AGBL1: variants seen among roughly 807,000 people sequenced by gnomAD.
The protein encoded by AGBL1 is AGBL carboxypeptidase 1.
Under a neutral mutation model 118.9 loss-of-function variants are expected in AGBL1, and 130 were observed. The observed-to-expected ratio is 1.09, with a 90% CI of 0.95 to 1.26. The LOEUF is 1.26. Ranked by LOEUF, AGBL1 falls within the 50% of genes most tolerant of loss-of-function variation. The pLI is 0.00. For synonymous variants in AGBL1, 555 were observed against 478.9 expected (o/e 1.16, Z -2.08); for missense variants, 1,584 against 1,298.1 (o/e 1.22, Z -3.38).
chr15:86,412,373 T>C lies in AGBL1; in HGVS notation c.2555+14827T>C, dbSNP rs114277548. On this transcript the variant is annotated intron_variant, in intron 18 of 22. Coordinates refer to ENST00000614907, the MANE Select transcript of AGBL1 (RefSeq NM_001386094.1). The stretch of plus-strand genomic sequence containing the variant: ...GTGTGGAATGTTTATTTTTCTTCAT[T>C]AATCATGACTATTATCCTATTTCTG... Among the ~76,000 whole-genome samples, 482 of 152,350 alleles carry C rather than the reference T, an allele frequency of 3.2e-3. 1 individual carries two copies. The highest frequency in any genetic ancestry group is 0.011 in the African/African-American group (455 of 41,588).
At chr15:86,142,196 A>T in intron 2 of AGBL1, 129 bp downstream of exon 2, 1 of 864,514 alleles carries the variant, frequency 1.2e-6, no homozygotes. Flanking sequence ...CAGCATCACT[A>T]GCCCATCTTT....
chr15:86,107,931 A>C (rs891821167), intron 1 of AGBL1, among the ~76,000 whole-genome samples: 3 of 152,182 alleles, frequency 2.0e-5, no homozygotes, highest in Admixed American at 2.0e-4. Flanking sequence ...TTATAGGAAG[A>C]TCAGCTCTCT....
chr15:86,247,556 G>T, intron 6 of AGBL1, 115 bp from the exon 7 acceptor site: 1 of 1,133,126 alleles, frequency 8.8e-7, no homozygotes, highest in Non-Finnish European at 1.3e-6. Context: ...ATACTAAAAT[G>T]TTATTATTCC....
Position 86,852,686 on chromosome 15 carries a change from A to G in AGBL1, c.3159-54401A>G, listed in dbSNP as rs867359005. Among the ~76,000 whole-genome samples the G allele has an allele frequency of 3.9e-5, 6 of 152,138 alleles. No homozygotes were observed. In the South Asian group the frequency reaches 1.2e-3, roughly 32 times the overall value. ...GAGCAGGCCTATGGCTGGTTACCCC[A>G]GGTCAACATGTAATGGAGGGCTCAA... On this transcript the variant is annotated intron_variant, in intron 22 of 22. Transcript: ENST00000614907.
chr15:86,095,577 G>T (rs992901649), intron 1 of AGBL1, among the ~76,000 whole-genome samples: 4 of 150,998 alleles, frequency 2.6e-5, no homozygotes, highest in African/African-American at 9.8e-5. Context: ...ATTTTTCCGT[G>T]CCAGGAACTG....
chr15:86,355,462 G>T (rs1178493440), intron 17 of AGBL1, among the ~76,000 whole-genome samples: 2 of 152,150 alleles, frequency 1.3e-5, no homozygotes, highest in African/African-American at 4.8e-5. Context: ...TTAAAAAAGA[G>T]ATTCCATGTG....
rs865882083 is a variant in AGBL1 at position 86,289,841 on chromosome 15, T to C, written c.2221-5414T>C. On this transcript the variant is annotated intron_variant, in intron 16 of 22. Transcript: ENST00000614907. ...AATTTCCTAATCACATCTTCAAAGT[T>C]CCTTTACTGTGTAAAATAACATCTT... Among the ~76,000 whole-genome samples, 95 of 152,218 alleles carry C rather than the reference T, an allele frequency of 6.2e-4. 1 individual carries two copies. Among genetic ancestry groups the C allele is most frequent in the Non-Finnish European group, 5.7e-4 (39 of 68,042 alleles).
At chr15:86,189,628 C>G (rs1042717691) in intron 5 of AGBL1, among the ~76,000 whole-genome samples, 1 of 152,148 alleles carries the variant, frequency 6.6e-6, no homozygotes, top group Non-Finnish European at 1.5e-5. Flanking sequence ...CTCTCTCTTT[C>G]TCTTGCTGCT....
chr15:86,485,858 A>C (rs1412222169), intron 18 of AGBL1, among the ~76,000 whole-genome samples: 1 of 152,110 alleles, frequency 6.6e-6, no homozygotes, highest in Admixed American at 6.6e-5. Context: ...CCTGGTCCAA[A>C]GGTTTAAACT....
chr15:87,007,006 G>A (rs2081512115), intron 24 of AGBL1, among the ~76,000 whole-genome samples: 1 of 152,122 alleles, frequency 6.6e-6, no homozygotes, highest in South Asian at 2.1e-4. Context: ...GAAAAACTAA[G>A]TCATGCTCTA....
chr15:86,838,407 T>C (rs898041376), intron 22 of AGBL1, among the ~76,000 whole-genome samples: 1 of 152,146 alleles, frequency 6.6e-6, no homozygotes, highest in African/African-American at 2.4e-5. Flanking sequence ...GTGGAAAGGC[T>C]GGACATTAGA....
At chr15:86,788,868 A>G (rs1459617596) in intron 22 of AGBL1, among the ~76,000 whole-genome samples, 4 of 152,216 alleles carry the variant, frequency 2.6e-5, no homozygotes, top group Non-Finnish European at 5.9e-5. Flanking sequence ...AGACCAAAAA[A>G]AAGCAAGTGC....
chr15:86,308,188 G>A (rs972813579), intron 17 of AGBL1, among the ~76,000 whole-genome samples: 6 of 152,002 alleles, frequency 3.9e-5, no homozygotes, highest in African/African-American at 7.3e-5. Context: ...GCTCTATAAC[G>A]AATTCCTATG....
chr15:86,352,607 G>A (rs183893689), intron 17 of AGBL1, among the ~76,000 whole-genome samples: 11 of 151,976 alleles, frequency 7.2e-5, no homozygotes, highest in Admixed American at 1.3e-4. Flanking sequence ...GCAGTCTCCC[G>A]AGGGGCTGGG....
intron 5 of AGBL1, among the ~76,000 whole-genome samples, chr15:86,196,910 C>A: frequency 6.6e-6 from 1 of 151,744 alleles, no homozygotes; most frequent in African/African-American, 2.4e-5. Flanking sequence ...CACACACACA[C>A]ACACACACAC....
chr15:86,925,478 T>C (rs2080526564), intron 23 of AGBL1, among the ~76,000 whole-genome samples: 1 of 152,140 alleles, frequency 6.6e-6, no homozygotes, highest in African/African-American at 2.4e-5. Context: ...GCTTTTTCTA[T>C]TAATAACACC....
intron 22 of AGBL1, among the ~76,000 whole-genome samples, chr15:86,682,146 T>C (rs1245842713): frequency 6.6e-6 from 1 of 152,192 alleles, no homozygotes. Flanking sequence ...CTTCTTTCTA[T>C]AGTTGCAGGC....
At chr15:86,141,316 G>A (rs779701960) in intron 1 of AGBL1, among the ~76,000 whole-genome samples, 4 of 152,180 alleles carry the variant, frequency 2.6e-5, no homozygotes, top group African/African-American at 7.2e-5. Flanking sequence ...AAGTCTTTTC[G>A]TCAGAACATT....
chr15:86,460,817 C>A (rs1354909626), intron 18 of AGBL1, among the ~76,000 whole-genome samples: 2 of 152,186 alleles, frequency 1.3e-5, no homozygotes, highest in African/African-American at 4.8e-5. Flanking sequence ...TGACCTCATA[C>A]ATCCTTTCCT....
Sources: gnomAD v4.1 joint callset for allele counts (sites outside exome capture counted in the v4.1 genomes callset) on GRCh38, gnomAD v4.1.1 for gene constraint, MANE v1.5 for transcripts, NCBI Gene and HGNC (gene_info 2026-07-23, HGNC 2026-07-21) for gene names.